The following PLEKHA4 variants were observed in gnomAD, a reference collection of about 807,000 sequenced individuals.
PLEKHA4 encodes pleckstrin homology domain-containing family A member 4.
Under a neutral mutation model 94.7 loss-of-function variants are expected in PLEKHA4, and 73 were observed. That is an observed-to-expected ratio of 0.77 (90% confidence interval 0.64 to 0.94). PLEKHA4 has a LOEUF of 0.94. PLEKHA4 is among the 40% of genes least tolerant of loss of function. The pLI is 0.00. For missense variants in PLEKHA4, 1,049 were observed against 1,054.1 expected, an observed-to-expected ratio of 1.00 and a Z score of 0.07; for synonymous variants, 449 against 437.1, an observed-to-expected ratio of 1.03 and a Z score of -0.34.
intron 3 of PLEKHA4, 120 bp downstream of exon 3, chr19:48,865,383 T>G: frequency 1.5e-6 from 1 of 652,932 alleles, no homozygotes; most frequent in East Asian, 2.7e-5. Flanking sequence ...AATGACGGAC[T>G]AAGGGGAGGG....
rs1262839522 is a variant in PLEKHA4, at chr19:48,837,376, C to A, written c.2253G>T (p.Ala751=). 3 of 1,613,722 alleles carry A rather than the reference C, an allele frequency of 1.9e-6. No individual in the cohort carries two copies. Among genetic ancestry groups the A allele is most frequent in the African/African-American group, 1.3e-5 (1 of 75,048 alleles). The change falls in exon 20 of 20, where the codon GCG becomes GCT. Residue 751 remains alanine, a synonymous_variant. Transcript: ENST00000263265. The surrounding 1 kb of genome is among the most constrained non-coding windows in gnomAD (Gnocchi z 4.3). ...RGGGPTPWGP[A]WDAGIAPPVL... ...CCGGAGGGGCGATCCCGGCATCCCACGCGGGCCCCCAGGGGGTGGGACCTC... is the reference window on the plus strand; with the variant it reads ...CCGGAGGGGCGATCCCGGCATCCCAAGCGGGCCCCCAGGGGGTGGGACCTC...
At chr19:48,849,648 G>T (rs562797795) in intron 13 of PLEKHA4, among the ~76,000 whole-genome samples, 7 of 152,276 alleles carry the variant, frequency 4.6e-5, no homozygotes, top group African/African-American at 1.4e-4. Context: ...AGAACTTGAT[G>T]GCTAGATTTA....
intron 8 of PLEKHA4, among the ~76,000 whole-genome samples, chr19:48,858,542 G>T (rs890177157): frequency 6.7e-6 from 1 of 150,190 alleles, no homozygotes; most frequent in Non-Finnish European, 1.5e-5. Context: ...CAGGAGAATC[G>T]CTTGAACCCG....
intron 12 of PLEKHA4, 99 bp from the exon 13 acceptor site, chr19:48,852,425 T>C (rs553676818): frequency 2.2e-6 from 2 of 924,938 alleles, no homozygotes; most frequent in East Asian, 5.1e-5. Flanking sequence ...TAAGGGAGTT[T>C]GGTCCCTGGA....
chr19:48,841,802 C>T (rs1208511643), intron 16 of PLEKHA4, among the ~76,000 whole-genome samples: 1 of 151,950 alleles, frequency 6.6e-6, no homozygotes, highest in East Asian at 1.9e-4. Context: ...AAAAAATAAA[C>T]TTGTTAGATG....
chr19:48,837,589 C>G lies in PLEKHA4; in HGVS notation c.2078-38G>C, dbSNP rs1258284903. ...AGTGGGACATGAGAATGGCAAACCTCAGCGCTAGGACCCCGGATTCCCAGC... is the reference window on the plus strand; with the variant it reads ...AGTGGGACATGAGAATGGCAAACCTGAGCGCTAGGACCCCGGATTCCCAGC... On this transcript the variant is annotated intron_variant, in intron 19 of 19. Transcript: ENST00000263265. The surrounding 1 kb of genome is among the most constrained non-coding windows in gnomAD (Gnocchi z 4.3). 6.2e-7 allele frequency: 1 copy of G among 1,610,188 alleles called. No homozygotes were observed. The highest frequency in any genetic ancestry group is 8.5e-7 in the Non-Finnish European group (1 of 1,178,584).
intron 9 of PLEKHA4, among the ~76,000 whole-genome samples, chr19:48,856,916 AGAAAG>A (rs1568548059): frequency 3.2e-5 from 4 of 124,132 alleles, no homozygotes; most frequent in African/African-American, 1.4e-4. Flanking sequence ...AAAAAAAAAA[AGAAAG>A]AAAGAAAGAA....
intron 14 of PLEKHA4, among the ~76,000 whole-genome samples, chr19:48,845,958 C>T (rs1037866067): frequency 2.7e-5 from 4 of 149,470 alleles, no homozygotes; most frequent in Non-Finnish European, 5.9e-5. Context: ...TTGCAGTGAG[C>T]CGAGATCGCA....
chr19:48,842,339 C>G (rs1802327675), intron 16 of PLEKHA4, among the ~76,000 whole-genome samples: 1 of 151,928 alleles, frequency 6.6e-6, no homozygotes, highest in South Asian at 2.1e-4. Context: ...TTAGTACAGA[C>G]AGGGTTTCAC....
chr19:48,861,951 C>A (rs982528554), intron 3 of PLEKHA4, among the ~76,000 whole-genome samples: 2 of 151,662 alleles, frequency 1.3e-5, no homozygotes, highest in Non-Finnish European at 2.9e-5. Flanking sequence ...CATGGCGAAA[C>A]CCCATCTCTA....
intron 6 of PLEKHA4, 82 bp from the exon 7 acceptor site, chr19:48,859,766 G>A: frequency 1.5e-6 from 2 of 1,307,034 alleles, no homozygotes; most frequent in Admixed American, 2.3e-5. Context: ...AGAACACAAG[G>A]ATGCACCCAA....
rs1343769563 is a variant in PLEKHA4, at chr19:48,844,407, G to A, written c.1743+963C>T. On this transcript the variant is annotated intron_variant, in intron 16 of 19. Transcript: ENST00000263265. ...TGACCTCAAGTGATCTGCCTGCCTC[G>A]GCCTCCCAAAGTGCTGGGATTACAG... The A allele has an allele frequency of 1.2e-5, 11 of 955,982 alleles. No homozygotes were observed. The East Asian group carries it at 4.6e-4, about 40-fold the overall frequency. The allele number at this position is 955,982 out of a possible 1,614,324, so 59.2% of individuals were successfully genotyped here.
In PLEKHA4 at chr19:48,867,740, G is replaced by T; in HGVS notation, c.-6-114C>A. The T allele has an allele frequency of 1.0e-6, 1 of 992,128 alleles. No individual in the cohort carries two copies. The highest frequency in any genetic ancestry group is 1.5e-6 in the Non-Finnish European group (1 of 666,620). 61.5% of individuals were successfully genotyped at this position (992,128 alleles called of 1,614,324 possible). A position where few individuals can be genotyped will look rare whatever the true frequency, so the allele number is the denominator to read the frequency against. On this transcript the variant is annotated intron_variant, in intron 1 of 19. Transcript: ENST00000263265. This position sits in a 1 kb window ranked among gnomAD's most constrained non-coding sequence, Gnocchi z 4.7. ...GCAGAGAAAGAGCCTGTTGTTTCGG[G>T]ACTTGGGGGGCTGGGGGAGGCCATG...
intron 8 of PLEKHA4, 97 bp downstream of exon 8, chr19:48,858,763 C>A: frequency 1.5e-6 from 2 of 1,378,492 alleles, no homozygotes; most frequent in East Asian, 2.3e-5. Flanking sequence ...ACTACAATAC[C>A]CATGACACCC....
chr19:48,841,570 T>A (rs1213255905), intron 16 of PLEKHA4, among the ~76,000 whole-genome samples: 4 of 151,560 alleles, frequency 2.6e-5, no homozygotes, highest in Non-Finnish European at 5.9e-5. Context: ...GAGGTTGCAG[T>A]GAGCCGAGAT....
rs542142204 is a variant in PLEKHA4, at chr19:48,837,592, C to T, written c.2078-41G>A. ...GGGACATGAGAATGGCAAACCTCAG[C>T]GCTAGGACCCCGGATTCCCAGCCCC... On this transcript the variant is annotated intron_variant, in intron 19 of 19. Coordinates refer to ENST00000263265, the MANE Select transcript of PLEKHA4 (RefSeq NM_020904.3). This position sits in a 1 kb window ranked among gnomAD's most constrained non-coding sequence, Gnocchi z 4.3. 1 of 1,608,384 alleles carries T rather than the reference C, an allele frequency of 6.2e-7. No individual in the cohort carries two copies. Among genetic ancestry groups the T allele is most frequent in the South Asian group, 1.1e-5 (1 of 90,652 alleles).
intron 16 of PLEKHA4, chr19:48,844,678 GAC>G: frequency 1.0e-6 from 1 of 981,626 alleles, no homozygotes; most frequent in South Asian, 4.7e-5. Flanking sequence ...ATCAGCAACA[GAC>G]ACAGAGCACA....
rs184609552 is a variant in PLEKHA4 at position 48,852,391 on chromosome 19, A to G, written c.1327-65T>C. 446 of 1,245,856 alleles carry G rather than the reference A, an allele frequency of 3.6e-4. 2 individuals are homozygous for G. The African/African-American group carries it at 5.9e-3, about 17-fold the overall frequency. The allele number at this position is 1,245,856 out of a possible 1,614,324, so 77.2% of individuals were successfully genotyped here. On this transcript the variant is annotated intron_variant, in intron 12 of 19. Transcript: ENST00000263265. ...CTCCCACCAGATCCTTCCCCACCCC[A>G]TCATTTGTCAGCTAAGGAGGAGATA...
chr19:48,854,936 T>C (rs2036346343), intron 9 of PLEKHA4, among the ~76,000 whole-genome samples: 1 of 151,044 alleles, frequency 6.6e-6, no homozygotes, highest in Non-Finnish European at 1.5e-5. Flanking sequence ...GAACTCCTGA[T>C]CTCAAATGAT....
Sources: gnomAD v4.1 joint callset for allele counts (sites outside exome capture counted in the v4.1 genomes callset) on GRCh38, gnomAD v4.1.1 for gene constraint, Gnocchi (gnomAD v3.1) non-coding constraint, MANE v1.5 for transcripts, NCBI Gene and HGNC (gene_info 2026-07-23, HGNC 2026-07-21) for gene names.